Variants in DUSP14 observed in about 807,000 individuals in gnomAD.
DUSP14 encodes dual specificity phosphatase 14.
In DUSP14, 5 loss-of-function variants were observed where a neutral mutation model predicts 13.2. That is an observed-to-expected ratio of 0.38 (90% CI 0.20 to 0.80). DUSP14 has a LOEUF of 0.80. Ranked by LOEUF, DUSP14 falls within the 30% of genes least tolerant of loss-of-function variation. The pLI is 0.44. For synonymous variants in DUSP14, 91 were observed against 103.4 expected (o/e 0.88, Z 0.73); for missense variants, 185 against 264.0 (o/e 0.70, Z 2.07).
chr17:37,496,022 A>G (rs1159051408), intron 1 of DUSP14, among the ~76,000 whole-genome samples: 1 of 152,218 alleles, frequency 6.6e-6, no homozygotes, highest in Non-Finnish European at 1.5e-5. Context: ...CATACAAATT[A>G]CATACAAATT....
At chr17:37,491,821 T>C (rs1271977536) in intron 1 of DUSP14, among the ~76,000 whole-genome samples, 1 of 152,224 alleles carries the variant, frequency 6.6e-6, no homozygotes, top group Non-Finnish European at 1.5e-5. Context: ...AAAATGCTTT[T>C]CCCAAAATCA....
intron 1 of DUSP14, among the ~76,000 whole-genome samples, chr17:37,498,100 T>A (rs570276872): frequency 2.0e-5 from 3 of 152,154 alleles, no homozygotes; most frequent in Admixed American, 6.5e-5. Flanking sequence ...TACTGTCACA[T>A]ATGTTCTATG....
At chr17:37,496,928 A>G (rs1344147713) in intron 1 of DUSP14, among the ~76,000 whole-genome samples, 1 of 142,464 alleles carries the variant, frequency 7.0e-6, no homozygotes, top group Non-Finnish European at 1.5e-5. Context: ...AAAAAAAAAA[A>G]AAAAAAGAAA....
chr17:37,508,787 ACT>A (rs1491310753), intron 1 of DUSP14, among the ~76,000 whole-genome samples: 1 of 66,790 alleles, frequency 1.5e-5, no homozygotes, highest in Non-Finnish European at 2.6e-5. Flanking sequence ...ATATTTATAA[ACT>A]TTTTTTTTCA....
Position 37,512,641 on chromosome 17 carries a change from C to G in DUSP14, c.369C>G (p.Ile123Met). ...TGAGCCGCTCAGCCACGCTGTGTAT[C>G]GCGTACCTGATGAAATTCCACAACG... ...AGVSRSATLCIAYLMKFHNVC... is the reference protein window; with the variant it reads ...AGVSRSATLCMAYLMKFHNVC... The change falls in exon 3 of 3, where the codon ATC becomes ATG. Residue 123 changes from isoleucine (I) to methionine (M), a missense_variant. Ile to Met is a conservative substitution (Grantham distance 10). Coordinates refer to ENST00000617516, the MANE Select transcript of DUSP14 (RefSeq NM_007026.4). This position sits in a 1 kb window ranked among gnomAD's most constrained non-coding sequence, Gnocchi z 4.8. The G allele has an allele frequency of 6.2e-7, 1 of 1,613,654 alleles. No individual in the cohort carries two copies. The highest frequency in any genetic ancestry group is 8.5e-7 in the Non-Finnish European group (1 of 1,179,628).
At chr17:37,504,578 C>A (rs1407642127) in intron 1 of DUSP14, among the ~76,000 whole-genome samples, 2 of 152,136 alleles carry the variant, frequency 1.3e-5, no homozygotes, top group Non-Finnish European at 2.9e-5. Flanking sequence ...TTGTGAATAT[C>A]TTTTACTTCA....
At chr17:37,503,331 T>C (rs1051630305) in intron 1 of DUSP14, among the ~76,000 whole-genome samples, 9 of 152,058 alleles carry the variant, frequency 5.9e-5, no homozygotes, top group African/African-American at 2.2e-4. Flanking sequence ...GAGGCTGAGG[T>C]GGGAGGATCA....
chr17:37,503,485 G>A (rs762946249), intron 1 of DUSP14, among the ~76,000 whole-genome samples: 2 of 152,210 alleles, frequency 1.3e-5, no homozygotes, highest in Non-Finnish European at 2.9e-5. Context: ...GGGAGATGCT[G>A]TGGCCATCTC....
At chr17:37,503,690 C>A (rs1156891008) in intron 1 of DUSP14, among the ~76,000 whole-genome samples, 1 of 152,142 alleles carries the variant, frequency 6.6e-6, no homozygotes, top group East Asian at 1.9e-4. Flanking sequence ...GCAGACCTTC[C>A]ACCTTTTATA....
chr17:37,495,733 C>A (rs182617988), intron 1 of DUSP14, among the ~76,000 whole-genome samples: 1 of 151,830 alleles, frequency 6.6e-6, no homozygotes, highest in African/African-American at 2.4e-5. Flanking sequence ...GATCTCGGCT[C>A]ACTGCAACCT....
At chr17:37,504,611 GA>G (rs2054125839) in intron 1 of DUSP14, among the ~76,000 whole-genome samples, 1 of 152,150 alleles carries the variant, frequency 6.6e-6, no homozygotes, top group African/African-American at 2.4e-5. Flanking sequence ...ATGTATATAT[GA>G]GACAGGGTCA....
At chr17:37,505,674 C>T (rs180693285) in intron 1 of DUSP14, among the ~76,000 whole-genome samples, 1 of 145,932 alleles carries the variant, frequency 6.9e-6, no homozygotes, top group Middle Eastern at 3.6e-3. Flanking sequence ...AAGTAACCTC[C>T]GTGGCATTAG....
Position 37,512,463 on chromosome 17 carries a change from C to G in DUSP14, c.191C>G (p.Pro64Arg). ...TCIVNATIEI[P>R]NFNWPQFEYV... ...ATTGTTAATGCTACCATTGAGATCCCTAATTTCAACTGGCCCCAATTTGAG... is the reference window on the plus strand; with the variant it reads ...ATTGTTAATGCTACCATTGAGATCCGTAATTTCAACTGGCCCCAATTTGAG... Residue 64 changes from proline (P) to arginine (R), a missense_variant, in exon 3 of 3, where the codon CCT (proline) becomes CGT (arginine). Pro to Arg is a moderately radical substitution (Grantham distance 103). Coordinates refer to ENST00000617516, the MANE Select transcript of DUSP14 (RefSeq NM_007026.4). The surrounding 1 kb of genome is among the most constrained non-coding windows in gnomAD (Gnocchi z 4.8). The G allele has an allele frequency of 6.2e-7, 1 of 1,614,186 alleles. No individual in the cohort carries two copies. Among genetic ancestry groups the G allele is most frequent in the Non-Finnish European group, 8.5e-7 (1 of 1,180,028 alleles).
intron 1 of DUSP14, among the ~76,000 whole-genome samples, chr17:37,503,619 G>A (rs555769405): frequency 2.0e-5 from 3 of 152,260 alleles, no homozygotes; most frequent in South Asian, 4.1e-4. Context: ...GGTGGGTGAG[G>A]ACCAAATACA....
chr17:37,511,229 A>T (rs114516325), intron 2 of DUSP14, among the ~76,000 whole-genome samples: 1,761 of 152,284 alleles, frequency 0.012, 28 homozygotes, highest in African/African-American at 0.04. Context: ...GATTATTTCC[A>T]TGGAAATGCT....
At chr17:37,511,938 C>CTTTTTTTTTTTTTTTTTTTTT (rs58893696) in intron 2 of DUSP14, among the ~76,000 whole-genome samples, 12 of 38,254 alleles carry the variant, frequency 3.1e-4, no homozygotes, top group Admixed American at 4.7e-4. Flanking sequence ...CCCCACCCCA[C>CTTTTTTTTTTTTTTTTTTTTT]TTTTTTTTTT....
intron 1 of DUSP14, among the ~76,000 whole-genome samples, chr17:37,494,063 G>A (rs182593454): frequency 1.3e-4 from 20 of 149,474 alleles, no homozygotes; most frequent in East Asian, 2.0e-4. Context: ...GCGCGATCTC[G>A]GCTCACTGCA....
chr17:37,510,985 CAA>C (rs2054179853), intron 2 of DUSP14, among the ~76,000 whole-genome samples: 3 of 117,394 alleles, frequency 2.6e-5, no homozygotes, highest in East Asian at 5.4e-4. Flanking sequence ...TATTAAATGT[CAA>C]TATATATATA....
chr17:37,512,891 C>T lies in DUSP14; in HGVS notation c.*22C>T. ...TTAGTGCCACTGAAGCCTGCGTCAG[C>T]AGCCCGAGCGGGGCCGGCATCTGCT... is the stretch of plus-strand genomic sequence containing the variant. On this transcript the variant is annotated 3_prime_UTR_variant, in exon 3 of 3. Transcript: ENST00000617516. This position sits in a 1 kb window ranked among gnomAD's most constrained non-coding sequence, Gnocchi z 4.8. 1.9e-6 allele frequency: 3 copies of T among 1,578,136 alleles called. No homozygotes were observed. Among genetic ancestry groups the T allele is most frequent in the Non-Finnish European group, 2.6e-6 (3 of 1,154,718 alleles).
Sources: allele counts gnomAD v4.1 joint callset (sites outside exome capture counted in the v4.1 genomes callset), GRCh38; gene constraint gnomAD v4.1.1; non-coding constraint Gnocchi (gnomAD v3.1); transcripts MANE v1.5; gene names NCBI Gene and HGNC (gene_info 2026-07-23, HGNC 2026-07-21).